The following NUP210L variants were observed in gnomAD, a reference collection of about 807,000 sequenced individuals.
The protein encoded by NUP210L is nuclear pore membrane glycoprotein 210-like.
A neutral mutation model predicts 208.5 loss-of-function variants in NUP210L; 74 were observed. That is an observed-to-expected ratio of 0.35 (90% CI 0.29 to 0.43). NUP210L has a LOEUF of 0.43. Ranked by LOEUF, NUP210L falls within the 20% of genes least tolerant of loss-of-function variation. NUP210L has a pLI of 1.00. For missense variants in NUP210L, 1,843 were observed against 2,289.4 expected (o/e 0.81, Z 3.98); for synonymous variants, 780 against 816.9 (o/e 0.95, Z 0.77).
At chr1:154,106,157 A>G (rs1656749648) in intron 12 of NUP210L, among the ~76,000 whole-genome samples, 1 of 152,092 alleles carries the variant, frequency 6.6e-6, no homozygotes, top group Admixed American at 6.6e-5. Flanking sequence ...GCTACTCGGA[A>G]GGCTGAGGCA....
intron 12 of NUP210L, among the ~76,000 whole-genome samples, chr1:154,111,256 G>T (rs1000971391): frequency 1.3e-5 from 2 of 151,140 alleles, no homozygotes; most frequent in Admixed American, 1.3e-4. Flanking sequence ...GGTAGCAGGC[G>T]CCTATAATCC....
chr1:154,095,176 T>C lies in NUP210L; in HGVS notation c.1966-20A>G. The C allele has an allele frequency of 6.4e-7, 1 of 1,561,080 alleles. No individual in the cohort carries two copies. The highest frequency in any genetic ancestry group is 1.1e-5 in the South Asian group (1 of 89,734). ...TAAAGCCTGATGATATTTAAAGAAA[T>C]TAATTCCTGATAGGTTAGGGAATTC... On this transcript the variant is annotated intron_variant, in intron 14 of 39. Transcript: ENST00000368559.
At chr1:154,065,491 C>T (rs1315503264) in intron 17 of NUP210L, among the ~76,000 whole-genome samples, 1 of 151,916 alleles carries the variant, frequency 6.6e-6, no homozygotes, top group East Asian at 1.9e-4. Context: ...GCCCCTCAGC[C>T]CTAGCTTTGT....
In NUP210L at chr1:154,020,549, CAG is replaced by C. The variant is rs372338080; in HGVS notation, c.4517-1482_4517-1481del. Among the ~76,000 whole-genome samples the C allele has an allele frequency of 2.4e-3, 371 of 152,060 alleles. 5 individuals are homozygous for C. Among genetic ancestry groups the C allele is most frequent in the African/African-American group, 8.5e-3 (354 of 41,482 alleles). ...ATTACTATTATTATTATTTTTGAGACAGAGTCTCGCTCCATCACCCAGGCTGG... is the reference window on the plus strand; with the variant it reads ...ATTACTATTATTATTATTTTTGAGACAGTCTCGCTCCATCACCCAGGCTGG... On this transcript the variant is annotated intron_variant, in intron 32 of 39. Coordinates refer to ENST00000368559, the Ensembl canonical transcript of NUP210L.
chr1:154,087,320 C>CAAAAA (rs1185085313), intron 16 of NUP210L, among the ~76,000 whole-genome samples: 1 of 59,730 alleles, frequency 1.7e-5, no homozygotes, highest in African/African-American at 5.1e-5. Flanking sequence ...AGCTCCATCT[C>CAAAAA]AAAAAAAAAA....
rs565885446 is a variant in NUP210L, at chr1:154,042,901, G to A, written c.3696+3168C>T. On this transcript the variant is annotated intron_variant, in intron 27 of 39. Coordinates refer to ENST00000368559, the Ensembl canonical transcript of NUP210L. The stretch of plus-strand genomic sequence containing the variant: ...TAATTTTTGTATTTTTGGTAGAGAC[G>A]GGGTTTCGCCATGTTGCTCAGGCTG... Among the ~76,000 whole-genome samples, 7 of 149,892 alleles carry A rather than the reference G, an allele frequency of 4.7e-5. No homozygotes were observed. The East Asian group carries it at 5.9e-4, about 13-fold the overall frequency.
chr1:154,046,948 C>G (rs1036746737), intron 25 of NUP210L, among the ~76,000 whole-genome samples: 1 of 152,082 alleles, frequency 6.6e-6, no homozygotes, highest in Non-Finnish European at 1.5e-5. Context: ...GTCTTAGCTA[C>G]TTGGGAGGCT....
intron 1 of NUP210L, among the ~76,000 whole-genome samples, chr1:154,153,178 T>C (rs1364177688): frequency 3.3e-5 from 5 of 152,142 alleles, no homozygotes; most frequent in Non-Finnish European, 5.9e-5. Flanking sequence ...GAGGGGACTT[T>C]CTCATACTCT....
At position 154,089,410 on chromosome 1, in the gene NUP210L, T is replaced by C; in HGVS notation, c.2361+11A>G. ...AGTGCCAACTTAGTTGGAAACATACTCTGTACTTACCAGCCATTTGTTGTG... is the reference window on the plus strand; with the variant it reads ...AGTGCCAACTTAGTTGGAAACATACCCTGTACTTACCAGCCATTTGTTGTG... On this transcript the variant is annotated intron_variant, in intron 16 of 39. Transcript: ENST00000368559. 3 of 1,613,176 alleles carry C rather than the reference T, an allele frequency of 1.9e-6. No individual in the cohort carries two copies. The highest frequency in any genetic ancestry group is 2.5e-6 in the Non-Finnish European group (3 of 1,179,268).
At chr1:154,002,744 C>T (rs1650292812) in intron 35 of NUP210L, among the ~76,000 whole-genome samples, 1 of 151,796 alleles carries the variant, frequency 6.6e-6, no homozygotes, top group Admixed American at 6.6e-5. Flanking sequence ...GGTTTACAGG[C>T]GTGAGAAACT....
chr1:154,023,412 A>G (rs1651679230), intron 30 of NUP210L, 115 bp from the exon 31 acceptor site: 1 of 808,014 alleles, frequency 1.2e-6, no homozygotes, highest in African/African-American at 1.8e-5. Flanking sequence ...CATAGGAAAT[A>G]GCTTTTGATG....
intron 15 of NUP210L, among the ~76,000 whole-genome samples, chr1:154,094,146 G>A (rs1656069539): frequency 6.6e-6 from 1 of 152,144 alleles, no homozygotes; most frequent in African/African-American, 2.4e-5. Flanking sequence ...AGCCAGGCGT[G>A]GTGGCGTGCA....
Position 154,029,398 on chromosome 1 carries a change from A to C in NUP210L, c.3855+498T>G, listed in dbSNP as rs1301012318. Among the ~76,000 whole-genome samples, 13 of 148,126 alleles carry C rather than the reference A, an allele frequency of 8.8e-5. No homozygotes were observed. In the East Asian group the frequency reaches 2.0e-3, roughly 23 times the overall value. On this transcript the variant is annotated intron_variant, in intron 28 of 39. Transcript: ENST00000368559. ...CTCAAAAAAAAAAAAAAAAAAAAAA[A>C]AAACCACAAAAAAACAAAAAACAGG...
chr1:154,132,857 A>G (rs1658327113), intron 7 of NUP210L, among the ~76,000 whole-genome samples: 1 of 152,200 alleles, frequency 6.6e-6, no homozygotes, highest in Non-Finnish European at 1.5e-5. Context: ...GACAAATAAT[A>G]TAGGCTGCTA....
At position 154,000,730 on chromosome 1, in the gene NUP210L, A is replaced by AT. The variant is rs944197535; in HGVS notation, c.5386+125dup. 109 of 770,066 alleles carry AT rather than the reference A, an allele frequency of 1.4e-4. No individual in the cohort carries two copies. The African/African-American group carries it at 1.6e-3, about 11-fold the overall frequency. 47.7% of individuals were successfully genotyped at this position (770,066 alleles called of 1,614,324 possible). A position where few individuals can be genotyped will look rare whatever the true frequency, so the allele number is the denominator to read the frequency against. On this transcript the variant is annotated intron_variant, in intron 37 of 39. Coordinates refer to ENST00000368559, the Ensembl canonical transcript of NUP210L. ...TGTTTATTTCAGGAGTTTTTCATTT[A>AT]TTTTTGGACCGTGGTTGACAGTTAA...
intron 16 of NUP210L, among the ~76,000 whole-genome samples, chr1:154,087,594 C>T (rs147738390): frequency 5.3e-5 from 8 of 152,204 alleles, no homozygotes; most frequent in Non-Finnish European, 1.2e-4. Flanking sequence ...TAGCTATATA[C>T]TCAAGAGAAA....
chr1:154,138,184 G>A (rs1018708494), exon 6 of NUP210L: 1 of 1,541,230 alleles, frequency 6.5e-7, no homozygotes. Context: ...TCATGGGATG[G>A]TATAAGAAAT....
intron 5 of NUP210L, 116 bp from the exon 6 acceptor site, chr1:154,138,354 A>C: frequency 1.1e-6 from 1 of 913,758 alleles, no homozygotes; most frequent in Non-Finnish European, 1.5e-6. Flanking sequence ...TTTTATAAAG[A>C]TTTTTTTAAA....
chr1:154,002,743 G>A (rs1189590915), intron 35 of NUP210L, among the ~76,000 whole-genome samples: 1 of 151,780 alleles, frequency 6.6e-6, no homozygotes, highest in Non-Finnish European at 1.5e-5. Context: ...GGGTTTACAG[G>A]CGTGAGAAAC....
Sources: allele counts gnomAD v4.1 joint callset (sites outside exome capture counted in the v4.1 genomes callset), GRCh38; gene constraint gnomAD v4.1.1; transcripts MANE v1.5; gene names NCBI Gene and HGNC (gene_info 2026-07-23, HGNC 2026-07-21).